ALG9: variants seen among roughly 807,000 people sequenced by gnomAD.
ALG9 encodes the protein alpha-1,2-mannosyltransferase ALG9.
ALG9 carries 55 observed loss-of-function variants against 81.8 expected under a neutral mutation model. The observed-to-expected ratio is 0.67, with a 90% confidence interval of 0.54 to 0.84. The LOEUF is 0.84. Among genes scored for constraint, ALG9 ranks in the 40% least tolerant of loss-of-function variants. The pLI, the probability that ALG9 is intolerant of heterozygous loss-of-function variation, is 0.00. For missense variants in ALG9, 629 were observed against 745.0 expected (o/e 0.84, Z 1.81); for synonymous variants, 278 against 274.3 (o/e 1.01, Z -0.13).
chr11:111,775,927 A>G, the ALG9 span, among the ~76,000 whole-genome samples: 17 of 152,232 alleles, frequency 1.1e-4, no homozygotes, highest in Admixed American at 2.6e-4. Context: ...ACCATTTTCT[A>G]CCTAGGTGAT....
At chr11:111,812,745 C>T (rs1321091777) in intron 13 of ALG9, among the ~76,000 whole-genome samples, 1 of 151,570 alleles carries the variant, frequency 6.6e-6, no homozygotes, top group African/African-American at 2.4e-5. Flanking sequence ...GGTGAAACCC[C>T]GTATCTACTA....
At chr11:111,866,602 G>C (rs1555153261) in intron 3 of ALG9, among the ~76,000 whole-genome samples, 1 of 151,932 alleles carries the variant, frequency 6.6e-6, no homozygotes. Context: ...GAGAAATCTT[G>C]CTTTCCATTT....
At chr11:111,833,358 T>C (rs1555114648) in intron 13 of ALG9, among the ~76,000 whole-genome samples, 1 of 152,138 alleles carries the variant, frequency 6.6e-6, no homozygotes, top group African/African-American at 2.4e-5. Context: ...TGTTCAATAA[T>C]GAGATATTCA....
At chr11:111,838,065 A>C (rs1026410872) in intron 11 of ALG9, among the ~76,000 whole-genome samples, 184 bp downstream of exon 11, 1 of 152,242 alleles carries the variant, frequency 6.6e-6, no homozygotes, top group Non-Finnish European at 1.5e-5. Flanking sequence ...AGGAATTCTC[A>C]ATCTTCTCTT....
chr11:111,815,864 A>T (rs1951397048), intron 13 of ALG9, among the ~76,000 whole-genome samples: 1 of 152,242 alleles, frequency 6.6e-6, no homozygotes, highest in Non-Finnish European at 1.5e-5. Flanking sequence ...GTGAGTATTT[A>T]GCTGGTAGAA....
intron 13 of ALG9, among the ~76,000 whole-genome samples, chr11:111,820,230 C>G (rs916067254): frequency 6.6e-6 from 1 of 152,206 alleles, no homozygotes; most frequent in East Asian, 1.9e-4. Context: ...GAGCAACTGT[C>G]TTAGTCCAAT....
chr11:111,808,570 A>G (rs1177782103), intron 14 of ALG9, among the ~76,000 whole-genome samples: 2 of 152,180 alleles, frequency 1.3e-5, no homozygotes, highest in Admixed American at 6.5e-5. Context: ...CTGTCTTGGT[A>G]TCCTGATCAA....
the ALG9 span, among the ~76,000 whole-genome samples, chr11:111,776,561 C>T: frequency 1.2e-3 from 190 of 152,304 alleles, no homozygotes; most frequent in Non-Finnish European, 2.4e-3. Context: ...GCACTCCAAC[C>T]TGGGCAACAG....
At chr11:111,807,770 G>A (rs537578415) in intron 14 of ALG9, among the ~76,000 whole-genome samples, 1 of 152,198 alleles carries the variant, frequency 6.6e-6, no homozygotes, top group South Asian at 2.1e-4. Context: ...CAGACTGGGA[G>A]AAAGAGCGAG....
At chr11:111,793,760 CA>C (rs35166603) in intron 14 of ALG9, among the ~76,000 whole-genome samples, 174 of 53,874 alleles carry the variant, frequency 3.2e-3, no homozygotes, top group Middle Eastern at 0.01. Context: ...GAGTCCAGCT[CA>C]AAAAAAAAAA....
At chr11:111,800,824 C>G (rs1045640998) in intron 14 of ALG9, among the ~76,000 whole-genome samples, 78 of 152,172 alleles carry the variant, frequency 5.1e-4, no homozygotes, top group Admixed American at 3.9e-3. Flanking sequence ...TGGCAATGTT[C>G]AATAAATATT....
intron 13 of ALG9, among the ~76,000 whole-genome samples, chr11:111,815,211 C>T (rs1951298234): frequency 6.6e-6 from 1 of 152,084 alleles, no homozygotes; most frequent in African/African-American, 2.4e-5. Context: ...CCAATCTGAG[C>T]AACATAGTGA....
chr11:111,813,890 A>C (rs536429450), intron 13 of ALG9, among the ~76,000 whole-genome samples: 1 of 152,236 alleles, frequency 6.6e-6, no homozygotes, highest in Non-Finnish European at 1.5e-5. Flanking sequence ...TTAGAAAACT[A>C]TTTGGCAAAA....
At chr11:111,799,319 G>A (rs781887444) in intron 14 of ALG9, among the ~76,000 whole-genome samples, 1 of 151,972 alleles carries the variant, frequency 6.6e-6, no homozygotes, top group African/African-American at 2.4e-5. Flanking sequence ...GCTAATTTTT[G>A]TATTTTTAGT....
chr11:111,809,621 C>T, intron 14 of ALG9, 22 bp downstream of exon 14: 6 of 1,613,406 alleles, frequency 3.7e-6, no homozygotes, highest in Non-Finnish European at 5.1e-6. Context: ...CTGGAATATC[C>T]CATAGGATTA....
At chr11:111,816,953 G>A (rs897469859) in intron 13 of ALG9, among the ~76,000 whole-genome samples, 1 of 152,148 alleles carries the variant, frequency 6.6e-6, no homozygotes, top group African/African-American at 2.4e-5. Context: ...AGTTCAGAGA[G>A]GATGAGATCA....
At chr11:111,829,877 G>T (rs1205139282) in intron 13 of ALG9, among the ~76,000 whole-genome samples, 2 of 152,222 alleles carry the variant, frequency 1.3e-5, no homozygotes, top group Non-Finnish European at 2.9e-5. Flanking sequence ...GACAGAAGCA[G>T]CATGTAGACT....
intron 1 of ALG9, chr11:111,871,041 G>A: frequency 4.6e-6 from 5 of 1,098,492 alleles, no homozygotes; most frequent in Non-Finnish European, 5.5e-6. Flanking sequence ...AGGAACAGCC[G>A]TAAAAGGTAT....
At chr11:111,867,274 G>C (rs930847352) in intron 3 of ALG9, among the ~76,000 whole-genome samples, 3 of 152,134 alleles carry the variant, frequency 2.0e-5, no homozygotes, top group Non-Finnish European at 4.4e-5. Flanking sequence ...TAACAGACTT[G>C]GGGGGAAAAG....
Sources: gnomAD v4.1 joint callset for allele counts (sites outside exome capture counted in the v4.1 genomes callset) on GRCh38, gnomAD v4.1.1 for gene constraint, MANE v1.5 for transcripts, NCBI Gene and HGNC (gene_info 2026-07-23, HGNC 2026-07-21) for gene names.